TRPM3: variants seen among roughly 807,000 people sequenced by gnomAD.
TRPM3 encodes the protein transient receptor potential cation channel subfamily M member 3.
In TRPM3, 77 loss-of-function variants were observed where a neutral mutation model predicts 181.2. The ratio of observed to expected loss-of-function variants is 0.42; its 90% confidence interval spans 0.35 to 0.51. The LOEUF is 0.51. Among genes scored for constraint, TRPM3 ranks in the 20% least tolerant of loss-of-function variants. The pLI is 0.01. For missense variants in TRPM3, 1,759 were observed against 2,196.7 expected (o/e 0.80, Z 3.98); for synonymous variants, 745 against 796.4 (o/e 0.94, Z 1.09).
At chr9:71,051,602 T>TG (rs1342471417) in intron 1 of TRPM3, among the ~76,000 whole-genome samples, 2 of 149,774 alleles carry the variant, frequency 1.3e-5, no homozygotes, top group South Asian at 4.2e-4. Context: ...GGCGGCGGGG[T>TG]GGGGGGGTTA....
intron 1 of TRPM3, among the ~76,000 whole-genome samples, chr9:71,191,589 C>T (rs1465502021): frequency 6.6e-6 from 1 of 151,780 alleles, no homozygotes; most frequent in African/African-American, 2.4e-5. Context: ...TGTCTGGACT[C>T]CAGTGACAGC....
chr9:70,636,393 G>A (rs1047956198), intron 11 of TRPM3, among the ~76,000 whole-genome samples: 2 of 152,110 alleles, frequency 1.3e-5, no homozygotes, highest in Admixed American at 6.6e-5. Flanking sequence ...GCCACAGACT[G>A]TTTGGGAAAA....
Position 70,536,258 on chromosome 9 carries a change from C to T in TRPM3, c.4855G>A (p.Ala1619Thr), listed in dbSNP as rs145986537. The T allele has an allele frequency of 1.3e-4, 211 of 1,614,088 alleles. No individual in the cohort carries two copies. In the Middle Eastern group the frequency reaches 1.3e-3, roughly 10 times the overall value. ...TCCTGGGAGGATATTGCAATGGTGG[C>T]TCTGCGGCCTTTGGCCTCATTCTCC... ...SEENEAKGRR[A>T]TIAISSQEGD... Residue 1619 changes from alanine (A) to threonine (T), a missense_variant, in exon 26 of 26, where the codon GCC becomes ACC. Transcript: ENST00000677713.
At chr9:71,348,861 G>C (rs1254673947) in intron 1 of TRPM3, among the ~76,000 whole-genome samples, 1 of 152,128 alleles carries the variant, frequency 6.6e-6, no homozygotes, top group East Asian at 1.9e-4. Flanking sequence ...ATGAGCCACT[G>C]TGCCCAGCCA....
At chr9:70,655,801 T>C (rs1015085885) in intron 9 of TRPM3, among the ~76,000 whole-genome samples, 1 of 152,298 alleles carries the variant, frequency 6.6e-6, no homozygotes, top group African/African-American at 2.4e-5. Context: ...GATAACTGCT[T>C]AGGTTACTGA....
rs551900914 is a variant in TRPM3, at chr9:71,031,754, C to T, written c.177+89424G>A. Among the ~76,000 whole-genome samples, 120 of 150,396 alleles carry T rather than the reference C, an allele frequency of 8.0e-4. 4 individuals are homozygous for T. The South Asian group carries it at 0.024, about 31-fold the overall frequency. ...GCTGGAGCCATTGGGGTAATCCTAC[C>T]CTAAATGTGTTTGGCCACTAATATT... On this transcript the variant is annotated intron_variant, in intron 1 of 25. Transcript: ENST00000677713.
At chr9:70,764,697 A>T (rs1233535898) in intron 7 of TRPM3, among the ~76,000 whole-genome samples, 1 of 152,186 alleles carries the variant, frequency 6.6e-6, no homozygotes, top group Non-Finnish European at 1.5e-5. Flanking sequence ...TGTTTTCCAA[A>T]GTGTGGGATA....
intron 8 of TRPM3, among the ~76,000 whole-genome samples, chr9:70,693,988 G>A (rs189753570): frequency 1.4e-3 from 213 of 152,330 alleles, no homozygotes; most frequent in African/African-American, 4.8e-3. Context: ...GTATAAGCTC[G>A]CTGAGGCTGA....
At position 71,321,630 on chromosome 9, in the gene TRPM3, A is replaced by T. The variant is rs573743746; in HGVS notation, c.183+125023T>A. On this transcript the variant is annotated intron_variant, in intron 1 of 24. Coordinates refer to the TRPM3 transcript ENST00000357533. ...ATGTAAAATGTATCACAAATGTTTC[A>T]TTGATGAAATGATGGTCATTTCTGT... 6.6e-5 allele frequency among the ~76,000 whole-genome samples: 10 copies of T among 152,298 alleles called. No individual in the cohort carries two copies. The East Asian group carries it at 1.7e-3, about 26-fold the overall frequency.
At chr9:70,840,118 C>T (rs531410320) in intron 5 of TRPM3, among the ~76,000 whole-genome samples, 1 of 152,246 alleles carries the variant, frequency 6.6e-6, no homozygotes, top group South Asian at 2.1e-4. Flanking sequence ...GAATAGTGAA[C>T]ACATAGAAAA....
chr9:70,898,125 T>C (rs2096309590), intron 1 of TRPM3, among the ~76,000 whole-genome samples: 1 of 151,838 alleles, frequency 6.6e-6, no homozygotes, highest in South Asian at 2.1e-4. Context: ...AATTGTTTTT[T>C]TTTTTTGGTG....
chr9:70,857,816 C>A (rs1387858481), intron 3 of TRPM3, among the ~76,000 whole-genome samples: 1 of 152,158 alleles, frequency 6.6e-6, no homozygotes, highest in Non-Finnish European at 1.5e-5. Context: ...ACGGTCTATG[C>A]CAGACCAATG....
At chr9:70,740,011 G>A (rs1213604389) in intron 8 of TRPM3, among the ~76,000 whole-genome samples, 2 of 152,062 alleles carry the variant, frequency 1.3e-5, no homozygotes, top group Admixed American at 6.6e-5. Context: ...CATCCAAATC[G>A]GTAAACAGGA....
intron 1 of TRPM3, among the ~76,000 whole-genome samples, chr9:70,867,676 T>C (rs2095680259): frequency 6.6e-6 from 1 of 152,080 alleles, no homozygotes; most frequent in Non-Finnish European, 1.5e-5. Flanking sequence ...AGTAGAAAAG[T>C]ATAAGACACA....
intron 1 of TRPM3, among the ~76,000 whole-genome samples, chr9:71,249,696 C>T (rs1051236868): frequency 2.6e-5 from 4 of 152,072 alleles, no homozygotes; most frequent in African/African-American, 9.7e-5. Context: ...AAAATGTTCA[C>T]AACAAATATT....
At chr9:71,212,062 C>T (rs916698784) in intron 1 of TRPM3, among the ~76,000 whole-genome samples, 3 of 152,152 alleles carry the variant, frequency 2.0e-5, no homozygotes, top group Non-Finnish European at 4.4e-5. Context: ...GGAGCTCATC[C>T]TCTGCCTCCA....
intron 1 of TRPM3, among the ~76,000 whole-genome samples, chr9:71,322,104 A>G (rs1035135138): frequency 3.3e-5 from 5 of 152,120 alleles, no homozygotes; most frequent in Non-Finnish European, 5.9e-5. Context: ...TTTTATCAAC[A>G]TTTTTGGTTG....
rs559050800 is a variant in TRPM3 at position 70,763,361 on chromosome 9, G to A, written c.1149-1637C>T. 3.3e-5 allele frequency among the ~76,000 whole-genome samples: 5 copies of A among 152,136 alleles called. No homozygotes were observed. The East Asian group carries it at 9.7e-4, about 29-fold the overall frequency. On this transcript the variant is annotated intron_variant, in intron 7 of 25. Coordinates refer to ENST00000677713, the MANE Select transcript of TRPM3 (RefSeq NM_001366145.2). ...TTTGTCTCTACAAAAAATTTAAAAA[G>A]TTAGTTGGGCATGGTGGTGCATGCC...
At chr9:70,949,402 G>T (rs950517375) in intron 1 of TRPM3, among the ~76,000 whole-genome samples, 2 of 152,020 alleles carry the variant, frequency 1.3e-5, no homozygotes, top group African/African-American at 2.4e-5. Context: ...TGGACAGCAC[G>T]GAGGGCAGCA....
Sources: allele counts gnomAD v4.1 joint callset (sites outside exome capture counted in the v4.1 genomes callset), GRCh38; gene constraint gnomAD v4.1.1; transcripts MANE v1.5; gene names NCBI Gene and HGNC (gene_info 2026-07-23, HGNC 2026-07-21).